MCC: variants seen among roughly 807,000 people sequenced by gnomAD.
The protein encoded by MCC is MCC regulator of Wnt signaling pathway.
In MCC, 90 loss-of-function variants were observed where a neutral mutation model predicts 116.2. The observed-to-expected ratio is 0.77, with a 90% CI of 0.65 to 0.92. MCC has a LOEUF of 0.92. MCC is among the 40% of genes least tolerant of loss of function. MCC has a pLI of 0.00. For synonymous variants in MCC, 578 were observed against 510.5 expected, an observed-to-expected ratio of 1.13 and a Z score of -1.78; for missense variants, 1,516 against 1,312.2, an observed-to-expected ratio of 1.16 and a Z score of -2.40.
At chr5:113,354,967 T>C (rs1361093777) in intron 2 of MCC, among the ~76,000 whole-genome samples, 1 of 152,038 alleles carries the variant, frequency 6.6e-6, no homozygotes, top group Non-Finnish European at 1.5e-5. Flanking sequence ...TGTACATGTA[T>C]ATATGTATGT....
At position 113,024,737 on chromosome 5, in the gene MCC, T is replaced by C. The variant is rs937095263; in HGVS notation, c.*2565A>G. 2 of 60,948 alleles carry C rather than the reference T, an allele frequency of 3.3e-5. No individual in the cohort carries two copies. Among genetic ancestry groups the C allele is most frequent in the African/African-American group, 8.6e-5 (1 of 11,582 alleles). The allele number at this position is 60,948 out of a possible 1,614,324, so 3.8% of individuals were successfully genotyped here. On this transcript the variant is annotated 3_prime_UTR_variant, in exon 19 of 19. Coordinates refer to ENST00000408903, the MANE Select transcript of MCC (RefSeq NM_001085377.2). ...AAAATTACCCAGGAACCTGCAAGCA[T>C]TTAATTTAATCAGTATAGTTTAGTT...
At chr5:113,346,516 C>T (rs1768136302) in intron 2 of MCC, among the ~76,000 whole-genome samples, 1 of 151,992 alleles carries the variant, frequency 6.6e-6, no homozygotes, top group South Asian at 2.1e-4. Flanking sequence ...AGGAGAATTG[C>T]TTGAACCTGG....
At chr5:113,196,847 A>G (rs6871611) in intron 3 of MCC, among the ~76,000 whole-genome samples, 115,999 of 151,982 alleles carry the variant, frequency 0.76, 45,001 homozygotes, top group East Asian at 0.86. Flanking sequence ...TCAAAAATCA[A>G]TCAATCAATC....
At chr5:113,308,129 T>C (rs1435820713) in intron 3 of MCC, among the ~76,000 whole-genome samples, 1 of 152,134 alleles carries the variant, frequency 6.6e-6, no homozygotes. Context: ...TGCACCACCA[T>C]GCCTAGCTAA....
intron 3 of MCC, among the ~76,000 whole-genome samples, chr5:113,272,649 G>A (rs1463494008): frequency 1.3e-5 from 2 of 152,118 alleles, no homozygotes; most frequent in East Asian, 1.9e-4. Context: ...CTAGAAACAG[G>A]AATAAGCTCA....
At chr5:113,136,862 T>TA (rs1581136701) in intron 5 of MCC, among the ~76,000 whole-genome samples, 1 of 152,212 alleles carries the variant, frequency 6.6e-6, no homozygotes, top group East Asian at 1.9e-4. Flanking sequence ...CTTTCTTTCC[T>TA]AATTGCTCTA....
chr5:113,098,166 G>A (rs1756157588), intron 8 of MCC, among the ~76,000 whole-genome samples: 1 of 152,160 alleles, frequency 6.6e-6, no homozygotes. Context: ...CAAACACATT[G>A]GGGAAAGCGC....
chr5:113,294,906 C>G, intron 3 of MCC: 4 of 985,522 alleles, frequency 4.1e-6, no homozygotes, highest in Non-Finnish European at 4.8e-6. Flanking sequence ...GCACTTCACG[C>G]CGAAGTTTCC....
At chr5:113,064,867 G>A (rs1418846100) in intron 13 of MCC, among the ~76,000 whole-genome samples, 1 of 152,174 alleles carries the variant, frequency 6.6e-6, no homozygotes, top group East Asian at 1.9e-4. Context: ...ATTTAAGACT[G>A]TGCTGGAAAA....
intron 1 of MCC, among the ~76,000 whole-genome samples, chr5:113,466,716 G>A (rs1580413207): frequency 6.6e-6 from 1 of 152,252 alleles, no homozygotes; most frequent in South Asian, 2.1e-4. Context: ...GAATGGCTGG[G>A]TCAAATGGTA....
intron 3 of MCC, among the ~76,000 whole-genome samples, chr5:113,266,443 T>C (rs1012572430): frequency 9.2e-5 from 14 of 152,212 alleles, no homozygotes; most frequent in Non-Finnish European, 1.5e-5. Context: ...CCTTGGGAGT[T>C]GGCAGTTCTT....
chr5:113,330,494 CA>C, intron 3 of MCC, among the ~76,000 whole-genome samples: 1 of 152,234 alleles, frequency 6.6e-6, no homozygotes, highest in South Asian at 2.1e-4. Flanking sequence ...GCCTTTTCTT[CA>C]AAAACGCAAA....
At chr5:113,107,784 A>T (rs937784006) in intron 6 of MCC, among the ~76,000 whole-genome samples, 8 of 152,298 alleles carry the variant, frequency 5.3e-5, no homozygotes, top group African/African-American at 1.9e-4. Context: ...ATGACAATGG[A>T]CATGTCTGCT....
chr5:113,075,799 T>C (rs541777128), intron 11 of MCC, among the ~76,000 whole-genome samples: 25 of 152,312 alleles, frequency 1.6e-4, no homozygotes, highest in African/African-American at 6.0e-4. Flanking sequence ...ACAATAAATC[T>C]TGCTGCTGCT....
rs12656651 is a variant in MCC, at chr5:113,472,538, T to A, written c.170+15707A>T. 6.5e-4 allele frequency among the ~76,000 whole-genome samples: 99 copies of A among 152,350 alleles called. 1 individual carries two copies. In the East Asian group the frequency reaches 0.018, roughly 28 times the overall value. ...TATTCCTCTGTGCCTACAGTGTACA[T>A]TCAATGAATGTTTAACAATAATAAT... is the stretch of plus-strand genomic sequence containing the variant. On this transcript the variant is annotated intron_variant, in intron 1 of 18. Coordinates refer to ENST00000408903, the MANE Select transcript of MCC (RefSeq NM_001085377.2).
At chr5:113,069,652 T>C (rs1205881253) in intron 12 of MCC, among the ~76,000 whole-genome samples, 2 of 152,208 alleles carry the variant, frequency 1.3e-5, no homozygotes, top group Non-Finnish European at 2.9e-5. Context: ...CACTGCAAGC[T>C]CCGCCTCCCA....
chr5:113,284,384 T>A (rs887723933), intron 3 of MCC, among the ~76,000 whole-genome samples: 1 of 152,240 alleles, frequency 6.6e-6, no homozygotes, highest in African/African-American at 2.4e-5. Flanking sequence ...AAGGGTCAAC[T>A]GTATTTTGAT....
intron 3 of MCC, among the ~76,000 whole-genome samples, chr5:113,316,272 G>C (rs1320344633): frequency 2.8e-5 from 4 of 141,746 alleles, no homozygotes; most frequent in Non-Finnish European, 6.1e-5. Flanking sequence ...AAAAAAAAAA[G>C]AAAGAGATAT....
chr5:113,271,923 G>T (rs1435591609), intron 3 of MCC, among the ~76,000 whole-genome samples: 2 of 152,152 alleles, frequency 1.3e-5, no homozygotes, highest in East Asian at 3.8e-4. Flanking sequence ...AAATTACTCA[G>T]TCTGTGGCAT....
Sources: gnomAD v4.1 joint callset for allele counts (sites outside exome capture counted in the v4.1 genomes callset) on GRCh38, gnomAD v4.1.1 for gene constraint, MANE v1.5 for transcripts, NCBI Gene and HGNC (gene_info 2026-07-23, HGNC 2026-07-21) for gene names.